The following BRIP1 variants were observed in gnomAD, a reference collection of about 807,000 sequenced individuals.
The protein encoded by BRIP1 is BRCA1 interacting DNA helicase 1, also known as Fanconi anemia group J protein.
BRIP1 carries 88 observed loss-of-function variants against 119.7 expected under a neutral mutation model. The ratio of observed to expected loss-of-function variants is 0.74; its 90% CI spans 0.62 to 0.88. The LOEUF is 0.88. Among genes scored for constraint, BRIP1 ranks in the 40% least tolerant of loss-of-function variants. The pLI is 0.00. For synonymous variants in BRIP1, 443 were observed against 496.5 expected, an observed-to-expected ratio of 0.89 and a Z score of 1.43; for missense variants, 1,259 against 1,455.4, an observed-to-expected ratio of 0.87 and a Z score of 2.20.
At chr17:61,747,221 A>G (rs957573536) in intron 14 of BRIP1, among the ~76,000 whole-genome samples, 51 of 152,162 alleles carry the variant, frequency 3.4e-4, no homozygotes, top group Non-Finnish European at 7.4e-5. Flanking sequence ...TAATGCCAAC[A>G]TTAAAAAAGA....
rs1329645468 is a variant in BRIP1 at position 61,779,230 on chromosome 17, A to T, written c.1935+1031T>A. ...ATCTAGGCACAGAGGAAGAACGTGG[A>T]TGTAAAAGGAAGAATCAGGATACAC... On this transcript the variant is annotated intron_variant, in intron 13 of 19. Coordinates refer to ENST00000259008, the MANE Select transcript of BRIP1 (RefSeq NM_032043.3). 2.6e-5 allele frequency among the ~76,000 whole-genome samples: 4 copies of T among 152,310 alleles called. No individual in the cohort carries two copies. In the East Asian group the frequency reaches 7.7e-4, roughly 29 times the overall value.
intron 1 of BRIP1, 69 bp downstream of exon 1, chr17:61,863,215 C>T (rs1457040820): frequency 6.6e-6 from 1 of 152,292 alleles, no homozygotes; most frequent in Non-Finnish European, 1.5e-5. Flanking sequence ...GTGATCCAGT[C>T]ACCACCCATG....
intron 17 of BRIP1, among the ~76,000 whole-genome samples, chr17:61,697,727 C>CT (rs1207292876): frequency 0.01 from 1,526 of 147,190 alleles, 31 homozygotes; most frequent in African/African-American, 0.036. Context: ...TTAGTTTGCT[C>CT]TTTTTTTTTT....
chr17:61,761,766 T>C lies in BRIP1; in HGVS notation c.2097+14635A>G, dbSNP rs1319253108. On this transcript the variant is annotated intron_variant, in intron 14 of 19. Coordinates refer to ENST00000259008, the MANE Select transcript of BRIP1 (RefSeq NM_032043.3). The surrounding 1 kb of genome is among the most constrained non-coding windows in gnomAD (Gnocchi z 6.4). ...TGTTGATGAGAGAAATTGTAGAAGATACAAGTAAATAGCATGATATTCTTT... is the reference window on the plus strand; with the variant it reads ...TGTTGATGAGAGAAATTGTAGAAGACACAAGTAAATAGCATGATATTCTTT... 6.6e-6 allele frequency among the ~76,000 whole-genome samples: 1 copy of C among 151,990 alleles called. No individual in the cohort carries two copies.
At chr17:61,783,692 A>C (rs1461958990) in intron 11 of BRIP1, 1 of 152,118 alleles carries the variant, frequency 6.6e-6, no homozygotes, top group Non-Finnish European at 1.5e-5. Context: ...CTGACACTGT[A>C]GGAACATAAG....
chr17:61,731,977 C>A (rs7212939), intron 16 of BRIP1, among the ~76,000 whole-genome samples: 4,204 of 112,428 alleles, frequency 0.037, 276 homozygotes, highest in African/African-American at 0.13. Context: ...TTCTTTCTTT[C>A]TTTCTTTTTT....
At position 61,683,176 on chromosome 17, in the gene BRIP1, T is replaced by C; in HGVS notation, c.*120A>G. 8.3e-7 allele frequency: 1 copy of C among 1,204,574 alleles called. No homozygotes were observed. The highest frequency in any genetic ancestry group is 1.2e-6 in the Non-Finnish European group (1 of 853,022). The allele number at this position is 1,204,574 out of a possible 1,614,324, so 74.6% of individuals were successfully genotyped here. A position where few individuals can be genotyped will look rare whatever the true frequency, so the allele number is the denominator to read the frequency against. On this transcript the variant is annotated 3_prime_UTR_variant, in exon 20 of 20. Transcript: ENST00000259008. The surrounding 1 kb of genome is among the most constrained non-coding windows in gnomAD (Gnocchi z 4.7). ...TCAAGAATAATAACATTTACATTTC[T>C]GAACATAAAATAGTTTTTTAAAAAG... is the stretch of plus-strand genomic sequence containing the variant.
Position 61,686,419 on chromosome 17 carries a change from G to A in BRIP1, c.2576-254C>T, listed in dbSNP as rs115629835. On this transcript the variant is annotated intron_variant, in intron 18 of 19. Transcript: ENST00000259008. This position sits in a 1 kb window ranked among gnomAD's most constrained non-coding sequence, Gnocchi z 5.4. ...AAAGAGGCAGTAGAAGTAGGGCAGAGATGGGAAAACATATTCTCTGGTTAA... is the reference window on the plus strand; with the variant it reads ...AAAGAGGCAGTAGAAGTAGGGCAGAAATGGGAAAACATATTCTCTGGTTAA... 6.3e-3 allele frequency among the ~76,000 whole-genome samples: 961 copies of A among 152,222 alleles called. 8 individuals carry two copies. The highest frequency in any genetic ancestry group is 0.022 in the African/African-American group (917 of 41,546).
chr17:61,860,657 C>G lies in BRIP1; in HGVS notation c.94-750G>C, dbSNP rs1009161494. ...TCTGGGCGACAGAGTGAGACGCTGT[C>G]TCAAAAACAAAAAGAAAAAAGGAAG... On this transcript the variant is annotated intron_variant, in intron 2 of 19. Coordinates refer to ENST00000259008, the MANE Select transcript of BRIP1 (RefSeq NM_032043.3). The surrounding 1 kb of genome is among the most constrained non-coding windows in gnomAD (Gnocchi z 4.1). 6.6e-6 allele frequency among the ~76,000 whole-genome samples: 1 copy of G among 151,750 alleles called. No homozygotes were observed. The highest frequency in any genetic ancestry group is 1.5e-5 in the Non-Finnish European group (1 of 67,972).
rs1256269182 is a variant in BRIP1 at position 61,770,678 on chromosome 17, A to C, written c.2097+5723T>G. Among the ~76,000 whole-genome samples, 5 of 152,314 alleles carry C rather than the reference A, an allele frequency of 3.3e-5. No individual in the cohort carries two copies. In the East Asian group the frequency reaches 9.6e-4, roughly 29 times the overall value. On this transcript the variant is annotated intron_variant, in intron 14 of 19. Transcript: ENST00000259008. This position sits in a 1 kb window ranked among gnomAD's most constrained non-coding sequence, Gnocchi z 4.7. Reference sequence around the variant, plus strand: ...AGCTTCTGCATTCTATTGAAAATTAAATTAGTATTAATCCAAACTACATAA... The same window carrying C: ...AGCTTCTGCATTCTATTGAAAATTACATTAGTATTAATCCAAACTACATAA...
rs2144084035 is a variant in BRIP1, at chr17:61,683,828, A to G, written c.3218T>C (p.Ile1073Thr). The change falls in exon 20 of 20, where the codon ATT (isoleucine) becomes ACT (threonine). Residue 1073 changes from isoleucine (I) to threonine (T), a missense_variant. Physicochemically the swap from Ile to Thr is moderately conservative, Grantham distance 89. Coordinates refer to ENST00000259008, the MANE Select transcript of BRIP1 (RefSeq NM_032043.3). The surrounding 1 kb of genome is among the most constrained non-coding windows in gnomAD (Gnocchi z 4.7). The part of the protein sequence containing the change: ...SFGSCPQSET[I>T]ISSLKIDATL... ...GGCATCAATCTTTAATGATGAAATA[A>G]TGGTTTCTGATTGAGGGCATGATCC... 6.2e-7 allele frequency: 1 copy of G among 1,614,170 alleles called. No homozygotes were observed. Among genetic ancestry groups the G allele is most frequent in the South Asian group, 1.1e-5 (1 of 91,084 alleles).
chr17:61,837,941 C>T (rs1401714310), intron 6 of BRIP1, among the ~76,000 whole-genome samples: 1 of 152,118 alleles, frequency 6.6e-6, no homozygotes, highest in Non-Finnish European at 1.5e-5. Context: ...TCTACTTCTC[C>T]AATCCACTAG....
At chr17:61,821,418 C>G (rs2078323163) in intron 6 of BRIP1, among the ~76,000 whole-genome samples, 1 of 152,100 alleles carries the variant, frequency 6.6e-6, no homozygotes. Flanking sequence ...CTTTTTGATT[C>G]AGTTTTAGGA....
At position 61,849,189 on chromosome 17, in the gene BRIP1, A is replaced by T. The variant is rs2145763808; in HGVS notation, c.447T>A (p.Asp149Glu). The change falls in exon 5 of 20, where the codon GAT (aspartate) becomes GAA (glutamate). Residue 149 changes from aspartate (D) to glutamate (E), a missense_variant. Physicochemically the swap from Asp to Glu is conservative, Grantham distance 45. This residue lies in a region of BRIP1 where 501 missense variants were observed against 544.0 expected (regional missense o/e 0.92). Coordinates refer to ENST00000259008, the MANE Select transcript of BRIP1 (RefSeq NM_032043.3). ...SAKKQASIYR[D>E]ENDDFQVEKK... ...TCTCTACTTGAAAATCATCATTTTC[A>T]TCTCTGTATATGGATGCCTGTTTCT... 2 of 1,613,304 alleles carry T rather than the reference A, an allele frequency of 1.2e-6. No individual in the cohort carries two copies. Among genetic ancestry groups the T allele is most frequent in the Non-Finnish European group, 1.7e-6 (2 of 1,179,402 alleles).
Position 61,738,360 on chromosome 17 carries a change from T to C in BRIP1, c.2379+4653A>G, listed in dbSNP as rs1319029184. On this transcript the variant is annotated intron_variant, in intron 16 of 19. Transcript: ENST00000259008. This position sits in a 1 kb window ranked among gnomAD's most constrained non-coding sequence, Gnocchi z 4.2. ...TGCTGGTAAATAATTTCACTTTTTC[T>C]ATCCCTTGTCCCTGCAGCTTGAACT... Among the ~76,000 whole-genome samples, 1 of 152,216 alleles carries C rather than the reference T, an allele frequency of 6.6e-6. No individual in the cohort carries two copies. The highest frequency in any genetic ancestry group is 1.9e-4 in the East Asian group (1 of 5,196).
Position 61,742,228 on chromosome 17 carries a change from C to T in BRIP1, c.2379+785G>A, listed in dbSNP as rs1389774970. On this transcript the variant is annotated intron_variant, in intron 16 of 19. Transcript: ENST00000259008. The surrounding 1 kb of genome is among the most constrained non-coding windows in gnomAD (Gnocchi z 4.7). ...TTCACAGAATTGAAGAGAGTTAGGG[C>T]CTTGCTCTGAATTAAGTTTTGGCTT... 6.6e-6 allele frequency among the ~76,000 whole-genome samples: 1 copy of T among 152,206 alleles called. No homozygotes were observed. Among genetic ancestry groups the T allele is most frequent in the African/African-American group, 2.4e-5 (1 of 41,446 alleles).
At chr17:61,792,753 T>C (rs1249002272) in intron 10 of BRIP1, among the ~76,000 whole-genome samples, 2 of 152,194 alleles carry the variant, frequency 1.3e-5, no homozygotes, top group Non-Finnish European at 2.9e-5. Flanking sequence ...ACTGTAGTGG[T>C]GGATTCCTAG....
Position 61,724,886 on chromosome 17 carries a change from C to T in BRIP1, c.2380-8823G>A, listed in dbSNP as rs538530016. Among the ~76,000 whole-genome samples the T allele has an allele frequency of 6.6e-6, 1 of 152,286 alleles. No homozygotes were observed. Among genetic ancestry groups the T allele is most frequent in the South Asian group, 2.1e-4 (1 of 4,826 alleles). ...CAAGGTGCAGGGCCTAAAGCCTAAA[C>T]ATTTACAGCAAACCAAATCTGGAAG... On this transcript the variant is annotated intron_variant, in intron 16 of 19. Coordinates refer to ENST00000259008, the MANE Select transcript of BRIP1 (RefSeq NM_032043.3). The surrounding 1 kb of genome is among the most constrained non-coding windows in gnomAD (Gnocchi z 5.1).
Position 61,808,970 on chromosome 17 carries a change from T to C in BRIP1, c.628-213A>G, listed in dbSNP as rs1235871007. Among the ~76,000 whole-genome samples, 1 of 152,168 alleles carries C rather than the reference T, an allele frequency of 6.6e-6. No individual in the cohort carries two copies. The highest frequency in any genetic ancestry group is 1.9e-4 in the East Asian group (1 of 5,192). Reference sequence around the variant, plus strand: ...TTTCTTTTAAAAGTTATAAATGATATTTCCAAATTTGCATTCTTTCCAACA... The same window carrying C: ...TTTCTTTTAAAAGTTATAAATGATACTTCCAAATTTGCATTCTTTCCAACA... On this transcript the variant is annotated intron_variant, in intron 6 of 19. Coordinates refer to ENST00000259008, the MANE Select transcript of BRIP1 (RefSeq NM_032043.3). This position sits in a 1 kb window ranked among gnomAD's most constrained non-coding sequence, Gnocchi z 4.1.
Sources: allele counts gnomAD v4.1 joint callset (sites outside exome capture counted in the v4.1 genomes callset), GRCh38; gene constraint gnomAD v4.1.1; regional missense constraint gnomAD v4.1.1; non-coding constraint Gnocchi (gnomAD v3.1); transcripts MANE v1.5; gene names NCBI Gene and HGNC (gene_info 2026-07-23, HGNC 2026-07-21).